The following WDR35 variants were observed in gnomAD, a reference collection of about 807,000 sequenced individuals.
The protein encoded by WDR35 is WD repeat-containing protein 35.
A neutral mutation model predicts 158.3 loss-of-function variants in WDR35; 118 were observed. The observed-to-expected ratio is 0.75, with a 90% CI of 0.64 to 0.87. The LOEUF (loss-of-function observed/expected upper bound fraction) is 0.87, where lower values mean the gene tolerates loss of function less well. Ranked by LOEUF, WDR35 falls within the 40% of genes least tolerant of loss-of-function variation. The probability of loss-of-function intolerance (pLI) is 0.00; values close to 1 mark genes in which losing one functional copy is unlikely to be tolerated. For missense variants in WDR35, 1,263 were observed against 1,405.8 expected (o/e 0.90, Z 1.62); for synonymous variants, 448 against 476.1 (o/e 0.94, Z 0.77).
intron 5 of WDR35, among the ~76,000 whole-genome samples, chr2:19,976,658 CTGA>C (rs1558357530): frequency 6.6e-6 from 1 of 150,890 alleles, no homozygotes; most frequent in African/African-American, 2.4e-5. Flanking sequence ...ATGGACGTCA[CTGA>C]TGGCCTGTTG....
intron 12 of WDR35, among the ~76,000 whole-genome samples, chr2:19,952,426 C>G (rs897398970): frequency 6.6e-6 from 1 of 152,134 alleles, no homozygotes; most frequent in East Asian, 1.9e-4. Flanking sequence ...CTAAGGGGAA[C>G]CTACTCAAAG....
chr2:19,966,647 G>T, intron 10 of WDR35, 77 bp downstream of exon 10: 1 of 1,519,322 alleles, frequency 6.6e-7, no homozygotes, highest in Non-Finnish European at 9.1e-7. Context: ...CAGTGTAGAG[G>T]CCATGCTTGA....
intron 10 of WDR35, among the ~76,000 whole-genome samples, chr2:19,963,340 C>T (rs1671728979): frequency 6.6e-6 from 1 of 152,000 alleles, no homozygotes; most frequent in Admixed American, 6.6e-5. Flanking sequence ...TCTTTTCAAG[C>T]ACATTCTGCT....
chr2:19,982,785 C>T (rs373126466), intron 2 of WDR35, among the ~76,000 whole-genome samples: 2 of 152,246 alleles, frequency 1.3e-5, no homozygotes, highest in South Asian at 2.1e-4. Context: ...ATCATCACTG[C>T]TTTTTATTCC....
intron 8 of WDR35, among the ~76,000 whole-genome samples, chr2:19,972,794 G>A (rs79025424): frequency 1.3e-4 from 19 of 151,992 alleles, no homozygotes; most frequent in Non-Finnish European, 2.2e-4. Context: ...AGTCTATGGC[G>A]AATTTATAAA....
At chr2:19,989,902 T>G (rs1174543758) in intron 1 of WDR35, 90 bp downstream of exon 1, 6 of 1,575,540 alleles carry the variant, frequency 3.8e-6, no homozygotes, top group Non-Finnish European at 5.2e-6. Context: ...CAGGACCGGG[T>G]GAAGGAGCCT....
intron 10 of WDR35, among the ~76,000 whole-genome samples, chr2:19,961,964 T>G (rs1671676046): frequency 6.6e-6 from 1 of 152,190 alleles, no homozygotes. Context: ...GACTTCCTTT[T>G]GTTTCCTAAT....
At chr2:19,958,819 C>G (rs1277454636) in intron 11 of WDR35, among the ~76,000 whole-genome samples, 2 of 151,982 alleles carry the variant, frequency 1.3e-5, no homozygotes, top group African/African-American at 2.4e-5. Context: ...AAGAAAAGAA[C>G]ACCAAAAAAG....
rs939887179 is a variant in WDR35 at position 19,951,284 on chromosome 2, AT to A, written c.1470+130del. On this transcript the variant is annotated intron_variant, in intron 13 of 26. Coordinates refer to ENST00000281405, the MANE Select transcript of WDR35 (RefSeq NM_020779.4). ...TCTAGGAAAAAGTTTACAGAAGAGG[AT>A]TTTTTTAAAGAATTGCTAAAATAAT... 9 of 837,178 alleles carry A rather than the reference AT, an allele frequency of 1.1e-5. No homozygotes were observed. In the East Asian group the frequency reaches 2.5e-4, roughly 23 times the overall value. 51.9% of individuals were successfully genotyped at this position (837,178 alleles called of 1,614,324 possible).
intron 25 of WDR35, among the ~76,000 whole-genome samples, chr2:19,918,491 C>A (rs1006867100): frequency 6.6e-6 from 1 of 152,004 alleles, no homozygotes; most frequent in African/African-American, 2.4e-5. Flanking sequence ...ATGCAGGAGA[C>A]CCATCTCACG....
chr2:19,974,068 A>T (rs1672117142), intron 7 of WDR35, among the ~76,000 whole-genome samples: 1 of 152,026 alleles, frequency 6.6e-6, no homozygotes. Flanking sequence ...ACTGCACTCC[A>T]GCCTCGGCAA....
chr2:19,975,489 A>G (rs751014058), intron 6 of WDR35, 41 bp downstream of exon 6: 1 of 1,586,514 alleles, frequency 6.3e-7, no homozygotes, highest in East Asian at 2.3e-5. Flanking sequence ...CGATAATCAT[A>G]TAAAATTGTA....
chr2:19,987,811 G>C (rs770450854), intron 2 of WDR35, among the ~76,000 whole-genome samples: 1 of 96,286 alleles, frequency 1.0e-5, no homozygotes, highest in Non-Finnish European at 1.9e-5. Context: ...GCAACAGAGC[G>C]AAACTCTGTC....
chr2:19,923,256 G>A (rs533371551), intron 25 of WDR35, among the ~76,000 whole-genome samples: 19 of 152,174 alleles, frequency 1.2e-4, no homozygotes, highest in South Asian at 4.2e-4. Context: ...AGCTGGTCTC[G>A]GCAAGTGGCA....
intron 2 of WDR35, among the ~76,000 whole-genome samples, chr2:19,987,089 G>T (rs1672587670): frequency 6.6e-6 from 1 of 152,182 alleles, no homozygotes; most frequent in African/African-American, 2.4e-5. Flanking sequence ...TAACAATGGT[G>T]CCATAGAAGA....
chr2:19,963,875 C>G (rs2103440418), intron 10 of WDR35, among the ~76,000 whole-genome samples: 1 of 152,166 alleles, frequency 6.6e-6, no homozygotes, highest in Admixed American at 6.5e-5. Flanking sequence ...TCCCAAGTAG[C>G]TGGGATTACA....
At chr2:19,926,163 A>T (rs997495929) in intron 25 of WDR35, among the ~76,000 whole-genome samples, 12 of 152,282 alleles carry the variant, frequency 7.9e-5, no homozygotes, top group Admixed American at 5.2e-4. Context: ...GGAGCATTAC[A>T]GCCAGGATTG....
intron 16 of WDR35, among the ~76,000 whole-genome samples, chr2:19,943,009 C>T (rs1035553014): frequency 1.3e-5 from 2 of 151,938 alleles, no homozygotes; most frequent in South Asian, 2.1e-4. Flanking sequence ...CCTGAAGTAC[C>T]CTTATTTGTC....
At chr2:19,956,713 C>T (rs918223445) in intron 11 of WDR35, among the ~76,000 whole-genome samples, 13 of 151,210 alleles carry the variant, frequency 8.6e-5, no homozygotes, top group Admixed American at 6.6e-4. Flanking sequence ...CTCCGCCTCC[C>T]GGGTTCACGC....
Sources: allele counts gnomAD v4.1 joint callset (sites outside exome capture counted in the v4.1 genomes callset), GRCh38; gene constraint gnomAD v4.1.1; transcripts MANE v1.5; gene names NCBI Gene and HGNC (gene_info 2026-07-23, HGNC 2026-07-21).